The following PRIM2 variants were observed in gnomAD, a reference collection of about 807,000 sequenced individuals.
The protein encoded by PRIM2 is DNA primase subunit 2.
A neutral mutation model predicts 67.3 loss-of-function variants in PRIM2; 39 were observed. The ratio of observed to expected loss-of-function variants is 0.58; its 90% CI spans 0.45 to 0.76. The LOEUF is 0.76. PRIM2 is among the 30% of genes least tolerant of loss of function. The probability of loss-of-function intolerance (pLI) is 0.00; values close to 1 mark genes in which losing one functional copy is unlikely to be tolerated. For missense variants in PRIM2, 398 were observed against 598.7 expected, an observed-to-expected ratio of 0.66 and a Z score of 3.50; for synonymous variants, 143 against 198.7, an observed-to-expected ratio of 0.72 and a Z score of 2.36.
intron 12 of PRIM2, among the ~76,000 whole-genome samples, chr6:57,623,332 A>G (rs1776890504): frequency 6.6e-6 from 1 of 152,164 alleles, no homozygotes; most frequent in Admixed American, 6.5e-5. Flanking sequence ...TTGCTTGAAG[A>G]TTTAATGTTC....
intron 10 of PRIM2, among the ~76,000 whole-genome samples, chr6:57,566,186 T>A (rs1223284458): frequency 6.6e-6 from 1 of 151,672 alleles, no homozygotes. Flanking sequence ...TTTTTTTTTT[T>A]TTCTGTAAAT....
intron 5 of PRIM2, among the ~76,000 whole-genome samples, chr6:57,329,620 G>C (rs1358062009): frequency 6.6e-6 from 1 of 151,932 alleles, no homozygotes; most frequent in African/African-American, 2.4e-5. Context: ...TTTATAAGGG[G>C]CCTCCCCCTT....
At chr6:57,222,238 TCCG>T in the PRIM2 span, 3 of 152,506 alleles carry the variant, frequency 2.0e-5, no homozygotes, top group African/African-American at 4.8e-5. Flanking sequence ...CAGCAGCAGC[TCCG>T]CCGGGGGTGG....
the PRIM2 span, among the ~76,000 whole-genome samples, chr6:57,265,173 G>A: frequency 6.6e-6 from 1 of 152,176 alleles, no homozygotes; most frequent in Non-Finnish European, 1.5e-5. Flanking sequence ...TGTCTATGGA[G>A]AAGCAGCTTA....
the PRIM2 span, among the ~76,000 whole-genome samples, chr6:57,267,937 G>T: frequency 1.3e-5 from 2 of 152,008 alleles, no homozygotes; most frequent in Admixed American, 1.3e-4. Context: ...TTGTTGCTGG[G>T]TTCTTGTAAA....
chr6:57,393,244 T>C (rs1440548221), intron 7 of PRIM2, among the ~76,000 whole-genome samples: 1 of 152,140 alleles, frequency 6.6e-6, no homozygotes. Flanking sequence ...CTGTTTTCCA[T>C]TGTGGCTGTA....
chr6:57,236,217 A>G, the PRIM2 span, among the ~76,000 whole-genome samples: 1 of 152,232 alleles, frequency 6.6e-6, no homozygotes, highest in South Asian at 2.1e-4. Context: ...CCTGGGAGTC[A>G]TTCTTGACAC....
At chr6:57,577,107 T>C (rs1178280201) in intron 10 of PRIM2, among the ~76,000 whole-genome samples, 1 of 152,250 alleles carries the variant, frequency 6.6e-6, no homozygotes, top group Non-Finnish European at 1.5e-5. Context: ...ATTCTGAATA[T>C]AGCCTCTGCT....
rs1770733911 is a variant in PRIM2, at chr6:57,402,151, C to T, written c.693+19983C>T. 2.6e-5 allele frequency among the ~76,000 whole-genome samples: 4 copies of T among 152,238 alleles called. No individual in the cohort carries two copies. The South Asian group carries it at 6.2e-4, about 24-fold the overall frequency. On this transcript the variant is annotated intron_variant, in intron 7 of 13. Transcript: ENST00000615550. ...TAGGGCTGCTGTGGTATCCTGGGGG[C>T]CCACTCCAGTCCCTAGTCACCTTGG...
At chr6:57,313,198 G>A (rs1767420547), upstream of PRIM2, among the ~76,000 whole-genome samples, 1 of 152,156 alleles carries the variant, frequency 6.6e-6, no homozygotes, top group Non-Finnish European at 1.5e-5. Context: ...TTCTTAGCCA[G>A]CCTTTCCTGG....
At chr6:57,433,402 A>G (rs1178068813) in intron 7 of PRIM2, among the ~76,000 whole-genome samples, 1 of 55,320 alleles carries the variant, frequency 1.8e-5, no homozygotes, top group Non-Finnish European at 3.4e-5. Context: ...CCCCCATCCC[A>G]CAACAGTCCC....
the PRIM2 span, among the ~76,000 whole-genome samples, chr6:57,278,664 T>G: frequency 2.0e-5 from 3 of 149,844 alleles, no homozygotes; most frequent in Admixed American, 2.0e-4. Context: ...ACACAATGTG[T>G]TTTTTTTTTC....
chr6:57,276,770 A>G, the PRIM2 span, among the ~76,000 whole-genome samples: 1 of 151,830 alleles, frequency 6.6e-6, no homozygotes, highest in African/African-American at 2.4e-5. Context: ...GTGGTGGTGC[A>G]TGCATGTATT....
chr6:57,309,464 A>T, the PRIM2 span, among the ~76,000 whole-genome samples: 1 of 152,062 alleles, frequency 6.6e-6, no homozygotes, highest in African/African-American at 2.4e-5. Flanking sequence ...TACAAAGGAC[A>T]TGAACTCATC....
At chr6:57,578,924 C>G (rs1247641129) in intron 10 of PRIM2, among the ~76,000 whole-genome samples, 2 of 151,822 alleles carry the variant, frequency 1.3e-5, no homozygotes, top group Non-Finnish European at 1.5e-5. Flanking sequence ...GATCCGCCCG[C>G]CTCGGCCTCC....
chr6:57,397,727 C>A (rs527484241), intron 7 of PRIM2, among the ~76,000 whole-genome samples: 86 of 152,026 alleles, frequency 5.7e-4, no homozygotes, highest in African/African-American at 2.0e-3. Context: ...CAAAAAAAAT[C>A]AACTCCTGGG....
intron 5 of PRIM2, among the ~76,000 whole-genome samples, chr6:57,360,459 T>C (rs1217778988): frequency 6.6e-6 from 1 of 152,212 alleles, no homozygotes; most frequent in East Asian, 1.9e-4. Context: ...AAATTATTTC[T>C]TACTGAAAAA....
At chr6:57,622,076 A>G (rs1419838123) in intron 12 of PRIM2, among the ~76,000 whole-genome samples, 2 of 151,986 alleles carry the variant, frequency 1.3e-5, no homozygotes, top group Non-Finnish European at 2.9e-5. Context: ...TAAGCCTCCC[A>G]AGTAGCTGGG....
intron 12 of PRIM2, among the ~76,000 whole-genome samples, chr6:57,614,677 C>T (rs1240714767): frequency 1.3e-5 from 2 of 152,136 alleles, no homozygotes; most frequent in Non-Finnish European, 2.9e-5. Flanking sequence ...GATGAAACCG[C>T]GTCTCTACTA....
Sources: gnomAD v4.1 joint callset for allele counts (sites outside exome capture counted in the v4.1 genomes callset) on GRCh38, gnomAD v4.1.1 for gene constraint, MANE v1.5 for transcripts, NCBI Gene and HGNC (gene_info 2026-07-23, HGNC 2026-07-21) for gene names.